Variants in MSH3 observed in about 807,000 individuals in gnomAD.
MSH3 encodes the protein DNA mismatch repair protein Msh3.
In MSH3, 106 loss-of-function variants were observed where a neutral mutation model predicts 123.3. That is an observed-to-expected ratio of 0.86 (90% CI 0.73 to 1.01). The LOEUF (loss-of-function observed/expected upper bound fraction) is 1.01. Ranked by LOEUF, MSH3 falls within the 50% of genes least tolerant of loss-of-function variation. The pLI is 0.00. For missense variants in MSH3, 1,459 were observed against 1,347.6 expected (o/e 1.08, Z -1.29); for synonymous variants, 515 against 481.4 (o/e 1.07, Z -0.91).
intron 2 of MSH3, among the ~76,000 whole-genome samples, chr5:80,658,820 A>G (rs145227788): frequency 1.3e-3 from 191 of 152,252 alleles, no homozygotes; most frequent in Middle Eastern, 3.4e-3. Context: ...TTGGTCTTGA[A>G]TTCCTGGTCC....
At chr5:80,829,549 C>A (rs1219990798) in intron 20 of MSH3, among the ~76,000 whole-genome samples, 1 of 152,142 alleles carries the variant, frequency 6.6e-6, no homozygotes, top group Non-Finnish European at 1.5e-5. Flanking sequence ...AACTGGTGAT[C>A]AAATGTTCAC....
chr5:80,663,549 C>CAA (rs56334575), intron 2 of MSH3, among the ~76,000 whole-genome samples: 40,874 of 151,294 alleles, frequency 0.27, 5,696 homozygotes, highest in Middle Eastern at 0.35. Flanking sequence ...TCATTCCAGG[C>CAA]AGTTTTTTTT....
chr5:80,773,632 TAATAAA>T (rs1483421444), intron 15 of MSH3, among the ~76,000 whole-genome samples: 1 of 152,218 alleles, frequency 6.6e-6, no homozygotes, highest in African/African-American at 2.4e-5. Context: ...TACGTGCATA[TAATAAA>T]ACTGATAAAT....
chr5:80,672,157 T>G (rs909317393), intron 4 of MSH3, 87 bp from the exon 5 acceptor site: 5 of 955,740 alleles, frequency 5.2e-6, no homozygotes, highest in Admixed American at 3.9e-5. Flanking sequence ...AATGTATACC[T>G]TGATTAATTT....
Position 80,728,981 on chromosome 5 carries a change from A to G in MSH3, c.1568+16A>G, listed in dbSNP as rs777413758. On this transcript the variant is annotated intron_variant, in intron 10 of 23. Coordinates refer to ENST00000265081, the MANE Select transcript of MSH3 (RefSeq NM_002439.5). ...CCAAACCTGAGTAAGTGATTCCTCC[A>G]AAATTAAAAAAAGGGGGAGCTTATA... 5.1e-6 allele frequency: 7 copies of G among 1,362,092 alleles called. No homozygotes were observed. Among genetic ancestry groups the G allele is most frequent in the Non-Finnish European group, 7.4e-6 (7 of 951,456 alleles). 84.4% of individuals were successfully genotyped at this position (1,362,092 alleles called of 1,614,324 possible).
chr5:80,790,839 TG>T (rs1215279534), intron 18 of MSH3, among the ~76,000 whole-genome samples: 1 of 152,154 alleles, frequency 6.6e-6, no homozygotes, highest in African/African-American at 2.4e-5. Context: ...AGATGATGAA[TG>T]TGAAGAGAAA....
At chr5:80,675,198 T>A in intron 7 of MSH3, 70 bp downstream of exon 7, 1 of 1,496,178 alleles carries the variant, frequency 6.7e-7, no homozygotes, top group Non-Finnish European at 9.3e-7. Context: ...CTATCATGTA[T>A]GGTTTATAAT....
At chr5:80,718,042 T>C (rs1240841793) in intron 8 of MSH3, among the ~76,000 whole-genome samples, 1 of 152,210 alleles carries the variant, frequency 6.6e-6, no homozygotes. Context: ...GGTACAAATA[T>C]AAGAATATAA....
rs1487942776 is a variant in MSH3, at chr5:80,724,533, T to C, written c.1341-920T>C. 2.0e-5 allele frequency among the ~76,000 whole-genome samples: 3 copies of C among 151,694 alleles called. No individual in the cohort carries two copies. The South Asian group carries it at 6.3e-4, about 32-fold the overall frequency. On this transcript the variant is annotated intron_variant, in intron 8 of 23. Transcript: ENST00000265081. ...AAGAGAAGGAGGACAGAATAGGGAG[T>C]CAAAAAACATAGAAAAAGAAAATGC...
rs1225123305 is a variant in MSH3, at chr5:80,675,069, T to G, written c.1114T>G (p.Ser372Ala). 1.2e-6 allele frequency: 2 copies of G among 1,613,550 alleles called. No homozygotes were observed. The highest frequency in any genetic ancestry group is 1.7e-6 in the Non-Finnish European group (2 of 1,179,760). ...DTSTSYLLCI[S>A]ENKENVRDKK... is the part of the protein sequence containing the mutation. Reference sequence around the variant, plus strand: ...TTCTACCAGCTATCTTCTGTGCATCTCTGAAAATAAGGAAAATGTTAGGGA... The same window carrying G: ...TTCTACCAGCTATCTTCTGTGCATCGCTGAAAATAAGGAAAATGTTAGGGA... Residue 372 changes from serine to alanine, a missense_variant, in exon 7 of 24, where the codon TCT becomes GCT. Coordinates refer to ENST00000265081, the MANE Select transcript of MSH3 (RefSeq NM_002439.5).
chr5:80,686,279 T>G, intron 8 of MSH3, among the ~76,000 whole-genome samples: 1 of 152,134 alleles, frequency 6.6e-6, no homozygotes, highest in Non-Finnish European at 1.5e-5. Flanking sequence ...AAGTGGGGTG[T>G]TGAAGTATCC....
intron 8 of MSH3, among the ~76,000 whole-genome samples, chr5:80,701,596 C>G (rs1458695683): frequency 6.6e-6 from 1 of 152,142 alleles, no homozygotes; most frequent in African/African-American, 2.4e-5. Flanking sequence ...AGGAGAGATC[C>G]CTTTTAATCT....
intron 20 of MSH3, among the ~76,000 whole-genome samples, chr5:80,815,260 G>A (rs529435617): frequency 3.3e-5 from 5 of 151,910 alleles, no homozygotes; most frequent in African/African-American, 1.2e-4. Flanking sequence ...GAAATTTAAA[G>A]AGTCTTTCTT....
At chr5:80,726,781 A>G (rs1561457152) in intron 9 of MSH3, among the ~76,000 whole-genome samples, 1 of 152,146 alleles carries the variant, frequency 6.6e-6, no homozygotes, top group Non-Finnish European at 1.5e-5. Context: ...AGTGTATCCC[A>G]CTTCTAACAC....
In MSH3 at chr5:80,660,193, C is replaced by CT. The variant is rs1231976014; in HGVS notation, c.358+3676dup. On this transcript the variant is annotated intron_variant, in intron 2 of 23. Coordinates refer to ENST00000265081, the MANE Select transcript of MSH3 (RefSeq NM_002439.5). The stretch of plus-strand genomic sequence containing the variant: ...ACATTGTGGGAGTTGAAAGGCACTT[C>CT]TTTTTTTTTTTTTTCTTAATTTAAG... Among the ~76,000 whole-genome samples the CT allele has an allele frequency of 2.2e-3, 305 of 140,876 alleles. 1 individual carries two copies. Among genetic ancestry groups the CT allele is most frequent in the Middle Eastern group, 7.4e-3 (2 of 272 alleles). The allele number at this position is 140,876 out of a possible 152,430, so 92.4% of individuals were successfully genotyped here. A position where few individuals can be genotyped will look rare whatever the true frequency, so the allele number is the denominator to read the frequency against.
chr5:80,768,942 A>G lies in MSH3; in HGVS notation c.2192A>G (p.Gln731Arg). The G allele has an allele frequency of 6.2e-7, 1 of 1,613,142 alleles. No homozygotes were observed. Among genetic ancestry groups the G allele is most frequent in the Non-Finnish European group, 8.5e-7 (1 of 1,179,346 alleles). The change falls in exon 15 of 24, where the codon CAA (glutamine) becomes CGA (arginine). Residue 731 changes from glutamine to arginine, a missense_variant. Coordinates refer to ENST00000265081, the MANE Select transcript of MSH3 (RefSeq NM_002439.5). ...GVIDEIRMHLQEIRKILKNPS... is the reference protein window; with the variant it reads ...GVIDEIRMHLREIRKILKNPS... The stretch of plus-strand genomic sequence containing the variant: ...ATTGACGAGATCCGAATGCATTTGC[A>G]AGAAATACGAAAAATACTAAAAAAT...
intron 20 of MSH3, among the ~76,000 whole-genome samples, chr5:80,851,384 C>T (rs1369742425): frequency 1.3e-5 from 2 of 152,106 alleles, no homozygotes; most frequent in Non-Finnish European, 2.9e-5. Flanking sequence ...TAGCAATATA[C>T]ATATTACAAT....
chr5:80,845,944 T>C (rs1273724528), intron 20 of MSH3, among the ~76,000 whole-genome samples: 2 of 152,164 alleles, frequency 1.3e-5, no homozygotes, highest in African/African-American at 4.8e-5. Flanking sequence ...TTTGTTCCAT[T>C]GCTGCTGAGG....
intron 8 of MSH3, among the ~76,000 whole-genome samples, chr5:80,716,258 AT>A (rs2112848601): frequency 6.6e-6 from 1 of 152,182 alleles, no homozygotes; most frequent in South Asian, 2.1e-4. Context: ...CTTTATATTT[AT>A]TTCTTTATTA....
Sources: gnomAD v4.1 joint callset for allele counts (sites outside exome capture counted in the v4.1 genomes callset) on GRCh38, gnomAD v4.1.1 for gene constraint, MANE v1.5 for transcripts, NCBI Gene and HGNC (gene_info 2026-07-23, HGNC 2026-07-21) for gene names.